Variants in CDS1 observed in about 807,000 individuals in gnomAD.
CDS1 encodes the protein phosphatidate cytidylyltransferase 1.
In CDS1, 41 loss-of-function variants were observed where a neutral mutation model predicts 62.1. The ratio of observed to expected loss-of-function variants is 0.66; its 90% CI spans 0.51 to 0.86. CDS1 has a LOEUF of 0.86. Ranked by LOEUF, CDS1 falls within the 40% of genes least tolerant of loss-of-function variation. The pLI, the probability that CDS1 is intolerant of heterozygous loss-of-function variation, is 0.00. For missense variants in CDS1, 470 were observed against 550.1 expected (o/e 0.85, Z 1.46); for synonymous variants, 185 against 192.6 (o/e 0.96, Z 0.32).
At chr4:84,588,183 C>T (rs971484300) in intron 1 of CDS1, among the ~76,000 whole-genome samples, 1 of 152,086 alleles carries the variant, frequency 6.6e-6, no homozygotes, top group African/African-American at 2.4e-5. Context: ...GGGGAGCACA[C>T]GTGGAATAGT....
At chr4:84,587,276 A>G (rs75616847) in intron 1 of CDS1, among the ~76,000 whole-genome samples, 5,849 of 152,266 alleles carry the variant, frequency 0.038, 131 homozygotes, top group South Asian at 0.055. Context: ...ATAAATTTGT[A>G]TTCAGTTGAA....
chr4:84,588,378 T>A (rs890396827), intron 1 of CDS1, among the ~76,000 whole-genome samples: 18 of 152,354 alleles, frequency 1.2e-4, no homozygotes, highest in East Asian at 5.8e-4. Context: ...GGAACAACTT[T>A]GATTTATGTA....
chr4:84,643,985 G>GAA (rs1418950395), intron 11 of CDS1, among the ~76,000 whole-genome samples: 1 of 152,184 alleles, frequency 6.6e-6, no homozygotes, highest in Non-Finnish European at 1.5e-5. Context: ...AGAAAACTAA[G>GAA]AAGAGAGTTC....
At chr4:84,594,923 T>A (rs1232177862) in intron 1 of CDS1, among the ~76,000 whole-genome samples, 1 of 152,072 alleles carries the variant, frequency 6.6e-6, no homozygotes, top group Middle Eastern at 3.2e-3. Flanking sequence ...CTCCCTATGT[T>A]GTCCAGGCTG....
At chr4:84,585,910 TC>T (rs1165788483) in intron 1 of CDS1, among the ~76,000 whole-genome samples, 9 of 152,184 alleles carry the variant, frequency 5.9e-5, no homozygotes, top group African/African-American at 2.2e-4. Flanking sequence ...TGTACAAGGC[TC>T]ATTGTTAGCA....
chr4:84,594,919 A>G (rs978486161), intron 1 of CDS1, among the ~76,000 whole-genome samples: 1 of 151,864 alleles, frequency 6.6e-6, no homozygotes, highest in African/African-American at 2.4e-5. Flanking sequence ...GGGTCTCCCT[A>G]TGTTGTCCAG....
At chr4:84,617,704 C>G in intron 4 of CDS1, 43 bp downstream of exon 4, 1 of 1,001,894 alleles carries the variant, frequency 1.0e-6, no homozygotes, top group South Asian at 1.5e-5. Context: ...AAGTTAATTT[C>G]TGAAGTTTGT....
At chr4:84,594,692 C>G (rs1209273700) in intron 1 of CDS1, among the ~76,000 whole-genome samples, 1 of 152,046 alleles carries the variant, frequency 6.6e-6, no homozygotes, top group African/African-American at 2.4e-5. Flanking sequence ...CAATGATCAT[C>G]AGCATACCTA....
At chr4:84,641,018 G>T (rs1364667970) in intron 10 of CDS1, 28 bp downstream of exon 10, 1 of 1,410,732 alleles carries the variant, frequency 7.1e-7, no homozygotes, top group Non-Finnish European at 9.4e-7. Context: ...GATAAACATG[G>T]TTAGAGATCT....
chr4:84,590,012 A>T (rs146505614), intron 1 of CDS1, among the ~76,000 whole-genome samples: 3 of 151,992 alleles, frequency 2.0e-5, no homozygotes, highest in South Asian at 2.1e-4. Flanking sequence ...GGGGTTTCAC[A>T]GTGTTAGCCA....
chr4:84,645,131 A>T lies in CDS1; in HGVS notation c.1153-91A>T, dbSNP rs1578057255. 3 of 799,274 alleles carry T rather than the reference A, an allele frequency of 3.8e-6. No individual in the cohort carries two copies. The Admixed American group carries it at 6.2e-5, about 16-fold the overall frequency. 49.5% of individuals were successfully genotyped at this position (799,274 alleles called of 1,614,324 possible). ...TCCAATAGTAATGTATTTTCGTTAG[A>T]GTGAGTCCATGACGCCAAAGAGACA... is the stretch of plus-strand genomic sequence containing the variant. On this transcript the variant is annotated intron_variant, in intron 11 of 12. Coordinates refer to ENST00000295887, the MANE Select transcript of CDS1 (RefSeq NM_001263.4).
intron 9 of CDS1, 58 bp from the exon 10 acceptor site, chr4:84,640,780 A>G (rs1724354535): frequency 1.5e-6 from 2 of 1,323,196 alleles, no homozygotes; most frequent in Non-Finnish European, 2.0e-6. Context: ...TGTTTAGTCA[A>G]TGTGTTATGA....
intron 5 of CDS1, among the ~76,000 whole-genome samples, chr4:84,628,116 T>G (rs935900664): frequency 6.6e-6 from 1 of 152,112 alleles, no homozygotes; most frequent in Non-Finnish European, 1.5e-5. Flanking sequence ...AATTTGATGC[T>G]AGAAAGTTTT....
Position 84,590,289 on chromosome 4 carries a change from C to A in CDS1, c.117+6771C>A, listed in dbSNP as rs576879751. 5.3e-5 allele frequency among the ~76,000 whole-genome samples: 8 copies of A among 152,282 alleles called. 1 individual carries two copies. Among genetic ancestry groups the A allele is most frequent in the Admixed American group, 5.2e-4 (8 of 15,294 alleles). ...AGAGTTGATGTGTCTTTTAGAAATT[C>A]TTGTAAACATCATGAACTCCTAGCA... On this transcript the variant is annotated intron_variant, in intron 1 of 12. Coordinates refer to ENST00000295887, the MANE Select transcript of CDS1 (RefSeq NM_001263.4).
At chr4:84,599,444 A>G (rs1225720676) in intron 1 of CDS1, among the ~76,000 whole-genome samples, 2 of 140,370 alleles carry the variant, frequency 1.4e-5, no homozygotes, top group African/African-American at 2.7e-5. Context: ...ATATATATAT[A>G]TATATATGCC....
intron 1 of CDS1, among the ~76,000 whole-genome samples, chr4:84,595,583 A>G (rs1722724045): frequency 2.0e-5 from 3 of 152,160 alleles, no homozygotes; most frequent in African/African-American, 7.2e-5. Flanking sequence ...ATTCACGAAT[A>G]TGGAACCCAC....
intron 7 of CDS1, among the ~76,000 whole-genome samples, chr4:84,634,585 G>A (rs1428653858): frequency 6.6e-6 from 1 of 152,028 alleles, no homozygotes; most frequent in African/African-American, 2.4e-5. Context: ...TACAGTTGAT[G>A]GGTTTTGTCA....
chr4:84,583,254 C>G lies in CDS1; in HGVS notation c.-148C>G, dbSNP rs1459181810. ...GGAGGTGACCGGCGCGGCGGCCGCTCTATGGTGGGGCCGCGTTAGTGGCTG... is the reference window on the plus strand; with the variant it reads ...GGAGGTGACCGGCGCGGCGGCCGCTGTATGGTGGGGCCGCGTTAGTGGCTG... On this transcript the variant is annotated 5_prime_UTR_variant, in exon 1 of 13. Transcript: ENST00000295887. The G allele has an allele frequency of 6.8e-6, 4 of 586,288 alleles. No individual in the cohort carries two copies. The highest frequency in any genetic ancestry group is 1.2e-5 in the Non-Finnish European group (4 of 337,592). The allele number at this position is 586,288 out of a possible 1,614,324, so 36.3% of individuals were successfully genotyped here. A position where few individuals can be genotyped will look rare whatever the true frequency, so the allele number is the denominator to read the frequency against.
chr4:84,604,254 T>A lies in CDS1; in HGVS notation c.129T>A (p.Ile43=), dbSNP rs1483776488. ...CTTTTTAATTTTAGGAAACAGATAT[T>A]GATGACAGATATGGAGATTTGGATT... ...TESTSDKETD[I]DDRYGDLDSR... is the part of the protein sequence containing the mutation. Residue 43 remains isoleucine, a synonymous_variant, in exon 2 of 13, where the codon ATT becomes ATA. Transcript: ENST00000295887. 1.2e-6 allele frequency: 2 copies of A among 1,609,024 alleles called. No homozygotes were observed. The highest frequency in any genetic ancestry group is 1.7e-4 in the Middle Eastern group (1 of 6,030).
Sources: allele counts gnomAD v4.1 joint callset (sites outside exome capture counted in the v4.1 genomes callset), GRCh38; gene constraint gnomAD v4.1.1; transcripts MANE v1.5; gene names NCBI Gene and HGNC (gene_info 2026-07-23, HGNC 2026-07-21).